CCDC192: variants seen among roughly 807,000 people sequenced by gnomAD.
CCDC192 encodes coiled-coil domain containing 192, also known as coiled-coil domain-containing protein 192.
intron 5 of CCDC192, among the ~76,000 whole-genome samples, chr5:127,854,330 C>T (rs1313713495): frequency 2.8e-4 from 43 of 152,122 alleles, no homozygotes; most frequent in Non-Finnish European, 8.8e-5. Context: ...TACAGTAGTA[C>T]CCCCTTATTT....
At chr5:127,733,854 T>C (rs1752792118) in intron 2 of CCDC192, among the ~76,000 whole-genome samples, 1 of 151,328 alleles carries the variant, frequency 6.6e-6, no homozygotes, top group African/African-American at 2.4e-5. Context: ...TTTTTTTTTT[T>C]TCCAGTTTCC....
chr5:127,821,165 G>A (rs1474808076), intron 5 of CCDC192, among the ~76,000 whole-genome samples: 5 of 152,308 alleles, frequency 3.3e-5, no homozygotes, highest in South Asian at 2.1e-4. Flanking sequence ...ATGATTTATA[G>A]TGTTTGCCTA....
intron 2 of CCDC192, among the ~76,000 whole-genome samples, chr5:127,731,117 C>T (rs1752615521): frequency 6.6e-6 from 1 of 152,132 alleles, no homozygotes. Flanking sequence ...TAGAAAATTC[C>T]ACCATCTCAG....
chr5:127,766,736 T>TGAGTGTG (rs1561476333), intron 3 of CCDC192, among the ~76,000 whole-genome samples: 1 of 152,162 alleles, frequency 6.6e-6, no homozygotes, highest in Non-Finnish European at 1.5e-5. Context: ...CCTGCCACTT[T>TGAGTGTG]GAGTGTGTGG....
chr5:127,718,364 G>T (rs148942270), intron 2 of CCDC192, among the ~76,000 whole-genome samples: 65 of 152,266 alleles, frequency 4.3e-4, no homozygotes, highest in African/African-American at 1.5e-3. Context: ...CTCTATAAAT[G>T]GAAGCATCTG....
chr5:127,732,231 CAT>C (rs1252206052), intron 2 of CCDC192, among the ~76,000 whole-genome samples: 3 of 151,878 alleles, frequency 2.0e-5, no homozygotes, highest in Non-Finnish European at 2.9e-5. Context: ...GGCCAACAAA[CAT>C]ATGGAAAAAA....
chr5:127,817,218 C>T (rs887163365), intron 5 of CCDC192, among the ~76,000 whole-genome samples: 1 of 152,094 alleles, frequency 6.6e-6, no homozygotes, highest in African/African-American at 2.4e-5. Flanking sequence ...TTTAGTGAGT[C>T]TTAGGTTCAC....
chr5:127,875,921 G>A (rs1440690734), intron 6 of CCDC192, among the ~76,000 whole-genome samples: 2 of 152,022 alleles, frequency 1.3e-5, no homozygotes, highest in African/African-American at 2.4e-5. Flanking sequence ...TCTGAGAAGT[G>A]TCACTGCACA....
intron 3 of CCDC192, among the ~76,000 whole-genome samples, chr5:127,757,953 A>G (rs1305381679): frequency 6.6e-6 from 1 of 151,836 alleles, no homozygotes; most frequent in Non-Finnish European, 1.5e-5. Flanking sequence ...GCTTGCCTTT[A>G]CTGGTAACCC....
chr5:127,837,648 A>G (rs2127056474), intron 5 of CCDC192, among the ~76,000 whole-genome samples: 1 of 152,336 alleles, frequency 6.6e-6, no homozygotes, highest in East Asian at 1.9e-4. Flanking sequence ...AATTGGCACC[A>G]TTTGTCTCCA....
intron 6 of CCDC192, among the ~76,000 whole-genome samples, chr5:127,924,751 A>G (rs1182664320): frequency 1.3e-5 from 2 of 152,166 alleles, no homozygotes; most frequent in Admixed American, 6.5e-5. Context: ...CTATACAAAG[A>G]TTCTGGTGGT....
chr5:127,932,215 G>GT (rs1413686759), intron 6 of CCDC192, among the ~76,000 whole-genome samples: 1 of 151,458 alleles, frequency 6.6e-6, no homozygotes, highest in Non-Finnish European at 1.5e-5. Flanking sequence ...TTTGTTGTGG[G>GT]TTTTTTGAGA....
chr5:127,905,973 G>A (rs1427130503), intron 6 of CCDC192, among the ~76,000 whole-genome samples: 1 of 152,186 alleles, frequency 6.6e-6, no homozygotes, highest in African/African-American at 2.4e-5. Context: ...AGCTGGATTT[G>A]CCTGATCAAA....
At chr5:127,882,130 T>C (rs1410572822) in intron 6 of CCDC192, among the ~76,000 whole-genome samples, 3 of 152,174 alleles carry the variant, frequency 2.0e-5, no homozygotes, top group Non-Finnish European at 4.4e-5. Context: ...GGTAGACTTA[T>C]CCAAGACTCA....
intron 5 of CCDC192, among the ~76,000 whole-genome samples, chr5:127,802,074 G>C (rs1048807485): frequency 6.6e-6 from 1 of 152,118 alleles, no homozygotes; most frequent in Non-Finnish European, 1.5e-5. Context: ...ACTCAAAATA[G>C]GGAGAGAACC....
intron 3 of CCDC192, among the ~76,000 whole-genome samples, chr5:127,768,353 A>G (rs923418043): frequency 2.6e-5 from 4 of 152,156 alleles, no homozygotes; most frequent in Admixed American, 2.6e-4. Flanking sequence ...ATTTGGTCAC[A>G]CTCATATAGG....
At chr5:127,821,281 T>C (rs1041230121) in intron 5 of CCDC192, among the ~76,000 whole-genome samples, 7 of 152,230 alleles carry the variant, frequency 4.6e-5, no homozygotes, top group African/African-American at 1.7e-4. Context: ...CTTTCACAAA[T>C]CTAAATGAGC....
At chr5:127,720,950 A>G (rs1751985940) in intron 2 of CCDC192, among the ~76,000 whole-genome samples, 1 of 152,240 alleles carries the variant, frequency 6.6e-6, no homozygotes, top group South Asian at 2.1e-4. Flanking sequence ...GCCTGGCCAC[A>G]AAACCATTCT....
rs532681480 is a variant in CCDC192 at position 127,767,056 on chromosome 5, A to G, written c.222+12681A>G. The stretch of plus-strand genomic sequence containing the variant: ...AGAGAAAGGGAGACTCCTGAGACAG[A>G]CTCAAAGATAGCAGAGTGCCTTTTC... On this transcript the variant is annotated intron_variant, in intron 3 of 6. Transcript: ENST00000514853. Among the ~76,000 whole-genome samples, 5 of 152,320 alleles carry G rather than the reference A, an allele frequency of 3.3e-5. No individual in the cohort carries two copies. The East Asian group carries it at 9.6e-4, about 29-fold the overall frequency.
Sources: gnomAD v4.1 joint callset for allele counts (sites outside exome capture counted in the v4.1 genomes callset) on GRCh38, gnomAD v4.1.1 for gene constraint, MANE v1.5 for transcripts, NCBI Gene and HGNC (gene_info 2026-07-23, HGNC 2026-07-21) for gene names.